The following C7orf57 variants were observed in gnomAD, a reference collection of about 807,000 sequenced individuals.
C7orf57 encodes chromosome 7 open reading frame 57.
A neutral mutation model predicts 39.0 loss-of-function variants in C7orf57; 33 were observed. The ratio of observed to expected loss-of-function variants is 0.85; its 90% CI spans 0.64 to 1.13. The LOEUF (loss-of-function observed/expected upper bound fraction) is 1.13, where lower values mean the gene tolerates loss of function less well. Ranked by LOEUF, C7orf57 falls within the 50% of genes most tolerant of loss-of-function variation. The pLI is 0.00. For missense variants in C7orf57, 346 were observed against 362.3 expected, an observed-to-expected ratio of 0.95 and a Z score of 0.37; for synonymous variants, 124 against 137.1, an observed-to-expected ratio of 0.90 and a Z score of 0.67.
chr7:48,051,049 A>G (rs1790858849), intron 6 of C7orf57, among the ~76,000 whole-genome samples: 1 of 152,226 alleles, frequency 6.6e-6, no homozygotes, highest in South Asian at 2.1e-4. Flanking sequence ...GGTCAGGATA[A>G]GATATTTGAA....
At chr7:48,046,405 G>A (rs1790712338) in intron 4 of C7orf57, 55 bp from the exon 5 acceptor site, 2 of 1,540,866 alleles carry the variant, frequency 1.3e-6, no homozygotes, top group Non-Finnish European at 1.8e-6. Flanking sequence ...GGAAGGAAGG[G>A]AGGGAGTGGA....
chr7:48,037,701 A>AT (rs1034609743), intron 2 of C7orf57, among the ~76,000 whole-genome samples: 16 of 152,170 alleles, frequency 1.1e-4, no homozygotes, highest in African/African-American at 3.9e-4. Flanking sequence ...AGTGCCAACA[A>AT]TTTTTTGCAT....
rs1554299782 is a variant in C7orf57 at position 48,051,858 on chromosome 7, T to TCTTTCTTTC, written c.606-841_606-833dup. Reference sequence around the variant, plus strand: ...TTCTTTCTTTCTTTCTTTCTTTCTTTCTTTCTTTCTTTCTCTTTCTCTTTC... The same window carrying TCTTTCTTTC: ...TTCTTTCTTTCTTTCTTTCTTTCTTTCTTTCTTTCCTTTCTTTCTTTCTCTTTCTCTTTC... On this transcript the variant is annotated intron_variant, in intron 6 of 8. Coordinates refer to ENST00000348904, the MANE Select transcript of C7orf57 (RefSeq NM_001100159.3). 1.0e-4 allele frequency among the ~76,000 whole-genome samples: 9 copies of TCTTTCTTTC among 87,842 alleles called. 1 individual carries two copies. The East Asian group carries it at 2.2e-3, about 22-fold the overall frequency. 57.6% of individuals were successfully genotyped at this position (87,842 alleles called of 152,430 possible).
chr7:48,036,621 T>C (rs539213862), intron 2 of C7orf57, among the ~76,000 whole-genome samples: 1 of 152,330 alleles, frequency 6.6e-6, no homozygotes, highest in South Asian at 2.1e-4. Context: ...GCTACCTATC[T>C]TGGTTCAATC....
intron 5 of C7orf57, 40 bp from the exon 6 acceptor site, chr7:48,049,840 C>T (rs1465085572): frequency 1.3e-6 from 2 of 1,518,014 alleles, no homozygotes; most frequent in African/African-American, 2.7e-5. Flanking sequence ...CTGTTGAATG[C>T]TTTCCACTAA....
chr7:48,051,866 TCTTTC>T (rs1790949695), intron 6 of C7orf57, among the ~76,000 whole-genome samples: 2 of 75,464 alleles, frequency 2.7e-5, no homozygotes, highest in African/African-American at 1.4e-4. Flanking sequence ...TTTCTTTCTT[TCTTTC>T]TCTTTCTCTT....
intron 6 of C7orf57, among the ~76,000 whole-genome samples, chr7:48,050,286 C>T (rs1790836569): frequency 1.3e-5 from 2 of 152,216 alleles, no homozygotes; most frequent in African/African-American, 4.8e-5. Flanking sequence ...CCACCCTCAC[C>T]ACAGTTCACG....
intron 8 of C7orf57, among the ~76,000 whole-genome samples, chr7:48,058,276 T>C (rs142284501): frequency 1.3e-3 from 205 of 152,276 alleles, no homozygotes; most frequent in African/African-American, 4.7e-3. Context: ...GTTAGTATGA[T>C]TTCTTCCTTT....
At chr7:48,047,984 C>T (rs1790765214) in intron 5 of C7orf57, among the ~76,000 whole-genome samples, 1 of 152,226 alleles carries the variant, frequency 6.6e-6, no homozygotes, top group South Asian at 2.1e-4. Flanking sequence ...ACCGTGGCTA[C>T]AGCTCATTTC....
At chr7:48,053,229 T>G in intron 7 of C7orf57, 1 of 403,416 alleles carries the variant, frequency 2.5e-6, no homozygotes. Flanking sequence ...TAGTATCAAC[T>G]TTTAATCTTC....
rs532843466 is a variant in C7orf57, at chr7:48,047,865, C to T, written c.507+1249C>T. ...CTACAGGTGCATACTACCGTAGACA[C>T]TCAGCCAAAATGGACCATGTTAAGA... On this transcript the variant is annotated intron_variant, in intron 5 of 8. Coordinates refer to ENST00000348904, the MANE Select transcript of C7orf57 (RefSeq NM_001100159.3). 1.2e-4 allele frequency among the ~76,000 whole-genome samples: 18 copies of T among 152,136 alleles called. No individual in the cohort carries two copies. The East Asian group carries it at 3.3e-3, about 28-fold the overall frequency.
At chr7:48,058,098 G>C (rs912486174) in intron 8 of C7orf57, among the ~76,000 whole-genome samples, 2 of 152,102 alleles carry the variant, frequency 1.3e-5, no homozygotes, top group African/African-American at 2.4e-5. Context: ...TGGTTTGCTA[G>C]TATTTTGCTG....
intron 8 of C7orf57, among the ~76,000 whole-genome samples, chr7:48,059,310 G>A (rs1169030158): frequency 6.6e-6 from 1 of 152,140 alleles, no homozygotes; most frequent in Non-Finnish European, 1.5e-5. Context: ...TCCACTTAGA[G>A]TGTGTTGCTA....
At chr7:48,039,020 G>A (rs1314411582) in intron 2 of C7orf57, among the ~76,000 whole-genome samples, 1 of 152,154 alleles carries the variant, frequency 6.6e-6, no homozygotes, top group Non-Finnish European at 1.5e-5. Flanking sequence ...TCATGCAGAT[G>A]AAGTCTCCAG....
rs769014737 is a variant in C7orf57 at position 48,036,255 on chromosome 7, C to T, written c.-54C>T. 2.6e-6 allele frequency: 4 copies of T among 1,543,876 alleles called. No homozygotes were observed. Among genetic ancestry groups the T allele is most frequent in the Non-Finnish European group, 8.8e-7 (1 of 1,139,190 alleles). On this transcript the variant is annotated 5_prime_UTR_variant, in exon 2 of 9. Transcript: ENST00000348904. The stretch of plus-strand genomic sequence containing the variant: ...AAGCAGGCAGCGTCCAGCGCACCCG[C>T]GAACACCAGGTCCGGCAGCATCTGT...
rs770795124 is a variant in C7orf57 at position 48,052,786 on chromosome 7, G to A, written c.692G>A (p.Arg231Gln). Residue 231 changes from arginine (R) to glutamine (Q), a missense_variant, in exon 7 of 9, where the codon CGA becomes CAA. Arg to Gln is a conservative substitution (Grantham distance 43, BLOSUM62 1). Coordinates refer to ENST00000348904, the MANE Select transcript of C7orf57 (RefSeq NM_001100159.3). ...GATGAGTGGTTGCAGCAGCAGCAGC[G>A]AGCTGACTCAGACAAGAGGACCCCG... ...YKDEWLQQQQ[R>Q]ADSDKRTPKT... The A allele has an allele frequency of 1.1e-5, 17 of 1,613,862 alleles. No homozygotes were observed. Among genetic ancestry groups the A allele is most frequent in the Admixed American group, 3.3e-5 (2 of 60,004 alleles).
chr7:48,051,763 T>TTTCTTTCG (rs1790904919), intron 6 of C7orf57, among the ~76,000 whole-genome samples: 1 of 32,402 alleles, frequency 3.1e-5, no homozygotes, highest in African/African-American at 7.9e-5. Context: ...TCTTTCTTTC[T>TTTCTTTCG]TTCTTTCTTT....
intron 8 of C7orf57, among the ~76,000 whole-genome samples, chr7:48,059,717 A>AT (rs1192104221): frequency 1.3e-5 from 2 of 151,844 alleles, no homozygotes; most frequent in Admixed American, 1.3e-4. Flanking sequence ...CTTTATTGCA[A>AT]TTTTTTTCAG....
chr7:48,046,290 A>C (rs1204134136), intron 4 of C7orf57, among the ~76,000 whole-genome samples, 170 bp from the exon 5 acceptor site: 1 of 151,402 alleles, frequency 6.6e-6, no homozygotes, highest in Non-Finnish European at 1.5e-5. Context: ...AGAGAGCAGG[A>C]GAGGGAGAGA....
Sources: allele counts gnomAD v4.1 joint callset (sites outside exome capture counted in the v4.1 genomes callset), GRCh38; gene constraint gnomAD v4.1.1; transcripts MANE v1.5; gene names NCBI Gene and HGNC (gene_info 2026-07-23, HGNC 2026-07-21).